Variants in TYR observed in about 807,000 individuals in gnomAD.
TYR encodes LB24-AB.
TYR carries 58 observed loss-of-function variants against 51.5 expected under a neutral mutation model. The observed-to-expected ratio is 1.13, with a 90% CI of 0.91 to 1.40. The LOEUF (loss-of-function observed/expected upper bound fraction) is 1.40, where lower values mean the gene tolerates loss of function less well. Among genes scored for constraint, TYR ranks in the 40% most tolerant of loss-of-function variants. The probability of loss-of-function intolerance (pLI) is 0.00; values close to 1 mark genes in which losing one functional copy is unlikely to be tolerated. For missense variants in TYR, 732 were observed against 647.4 expected, an observed-to-expected ratio of 1.13 and a Z score of -1.42; for synonymous variants, 263 against 235.2, an observed-to-expected ratio of 1.12 and a Z score of -1.08.
intron 2 of TYR, among the ~76,000 whole-genome samples, chr11:89,211,322 C>A (rs1943752253): frequency 6.6e-6 from 1 of 151,960 alleles, no homozygotes; most frequent in Admixed American, 6.6e-5. Context: ...CAATCCTGGT[C>A]TTTAAACTAA....
chr11:89,185,243 T>C lies in TYR; in HGVS notation c.820-5959T>C, dbSNP rs79915495. Among the ~76,000 whole-genome samples the C allele has an allele frequency of 5.9e-5, 9 of 152,246 alleles. No homozygotes were observed. The East Asian group carries it at 1.7e-3, about 29-fold the overall frequency. On this transcript the variant is annotated intron_variant, in intron 1 of 4. Transcript: ENST00000263321. Reference sequence around the variant, plus strand: ...AATCCACAGGGTAGTTGTGAGAATTTCTAATTTTAATGTATATGGAGATAT... The same window carrying C: ...AATCCACAGGGTAGTTGTGAGAATTCCTAATTTTAATGTATATGGAGATAT...
intron 3 of TYR, among the ~76,000 whole-genome samples, chr11:89,238,581 C>A (rs1944151664): frequency 1.3e-5 from 2 of 152,064 alleles, no homozygotes; most frequent in South Asian, 4.1e-4. Flanking sequence ...CATTTCATTT[C>A]TTTTTCTTAG....
intron 2 of TYR, among the ~76,000 whole-genome samples, chr11:89,202,620 A>AACACACACACACACACAC (rs1555086926): frequency 1.1e-4 from 1 of 8,780 alleles, no homozygotes; most frequent in South Asian, 0.014. Flanking sequence ...ATATTTTCAT[A>AACACACACACACACACAC]ATACACACAC....
Position 89,185,095 on chromosome 11 carries a change from G to A in TYR, c.820-6107G>A, listed in dbSNP as rs190321825. 5.3e-5 allele frequency among the ~76,000 whole-genome samples: 8 copies of A among 152,192 alleles called. No homozygotes were observed. The East Asian group carries it at 7.7e-4, about 15-fold the overall frequency. ...TTACCTTCAAATTATTATTCTATAC[G>A]TCTCGCCTACTGTTCACAAAATTAT... is the stretch of plus-strand genomic sequence containing the variant. On this transcript the variant is annotated intron_variant, in intron 1 of 4. Coordinates refer to ENST00000263321, the MANE Select transcript of TYR (RefSeq NM_000372.5).
chr11:89,227,955 A>G lies in TYR; in HGVS notation c.1169A>G (p.His390Arg). Residue 390 changes from histidine to arginine, a missense_variant, in exon 3 of 5, where the codon CAT (histidine) becomes CGT (arginine). Coordinates refer to ENST00000263321, the MANE Select transcript of TYR (RefSeq NM_000372.5). ...AACGATCCTATCTTCCTTCTTCACC[A>G]TGCATTTGTTGACAGGTTGGTTAAT... is the stretch of plus-strand genomic sequence containing the variant. ...SANDPIFLLH[H>R]AFVDSIFEQW... 6.2e-7 allele frequency: 1 copy of G among 1,613,520 alleles called. No homozygotes were observed. The highest frequency in any genetic ancestry group is 2.2e-5 in the East Asian group (1 of 44,838).
At chr11:89,235,326 A>G (rs1281742799) in intron 3 of TYR, among the ~76,000 whole-genome samples, 4 of 152,194 alleles carry the variant, frequency 2.6e-5, no homozygotes, top group Admixed American at 6.6e-5. Context: ...TTCTGACTAT[A>G]TATCAAAAGG....
chr11:89,252,095 G>C (rs777839300), intron 3 of TYR, among the ~76,000 whole-genome samples: 2 of 151,738 alleles, frequency 1.3e-5, no homozygotes, highest in Non-Finnish European at 3.0e-5. Flanking sequence ...CTATGAGTAA[G>C]GAAGATATTT....
At chr11:89,257,126 C>T (rs1341556939) in intron 3 of TYR, among the ~76,000 whole-genome samples, 1 of 151,876 alleles carries the variant, frequency 6.6e-6, no homozygotes, top group African/African-American at 2.4e-5. Context: ...GCTGTTCTAG[C>T]CTATATGTAG....
At chr11:89,258,746 T>G (rs187337753) in intron 3 of TYR, among the ~76,000 whole-genome samples, 2 of 152,080 alleles carry the variant, frequency 1.3e-5, no homozygotes, top group Admixed American at 6.6e-5. Flanking sequence ...TTTGCATAGG[T>G]TCAACAATAC....
rs1019493788 is a variant in TYR, at chr11:89,293,396, C to T, written c.1367-1747C>T. ...AACCCAGAATGGTCCTTAGGATAAA[C>T]GCAAGTTCTGATTGAGTAATGACTA... On this transcript the variant is annotated intron_variant, in intron 4 of 4. Transcript: ENST00000263321. 7.3e-5 allele frequency among the ~76,000 whole-genome samples: 11 copies of T among 151,482 alleles called. No individual in the cohort carries two copies. In the East Asian group the frequency reaches 1.6e-3, roughly 21 times the overall value.
intron 3 of TYR, among the ~76,000 whole-genome samples, chr11:89,264,017 A>G (rs1565417125): frequency 6.6e-6 from 1 of 152,046 alleles, no homozygotes; most frequent in African/African-American, 2.4e-5. Context: ...TTAATGTTGT[A>G]GTAGATTTTC....
At chr11:89,227,687 A>AT (rs1943993820) in intron 2 of TYR, 136 bp from the exon 3 acceptor site, 13 of 784,916 alleles carry the variant, frequency 1.7e-5, no homozygotes, top group Non-Finnish European at 2.6e-5. Context: ...AAGAGTCTCA[A>AT]TACGGAATGA....
chr11:89,212,492 G>A (rs1457445123), intron 2 of TYR, among the ~76,000 whole-genome samples: 1 of 152,054 alleles, frequency 6.6e-6, no homozygotes, highest in African/African-American at 2.4e-5. Context: ...ATTCACAGCC[G>A]AATTCCACCA....
chr11:89,243,163 T>A (rs752604592), intron 3 of TYR, among the ~76,000 whole-genome samples: 3 of 152,258 alleles, frequency 2.0e-5, no homozygotes, highest in Non-Finnish European at 4.4e-5. Flanking sequence ...AATACAGTGC[T>A]TTATTGGGGT....
rs962071540 is a variant in TYR, at chr11:89,191,554, G to A, written c.1036+136G>A. 14 of 814,446 alleles carry A rather than the reference G, an allele frequency of 1.7e-5. No homozygotes were observed. In the Admixed American group the frequency reaches 2.0e-4, roughly 12 times the overall value. 50.5% of individuals were successfully genotyped at this position (814,446 alleles called of 1,614,324 possible). A position where few individuals can be genotyped will look rare whatever the true frequency, so the allele number is the denominator to read the frequency against. On this transcript the variant is annotated intron_variant, in intron 2 of 4. Coordinates refer to ENST00000263321, the MANE Select transcript of TYR (RefSeq NM_000372.5). ...AATATGTGTTGTATATACTTATATCGACAATGACCCTAGCTGACACTGGTC... is the reference window on the plus strand; with the variant it reads ...AATATGTGTTGTATATACTTATATCAACAATGACCCTAGCTGACACTGGTC...
chr11:89,238,892 T>A (rs1315940731), intron 3 of TYR, among the ~76,000 whole-genome samples: 1 of 152,164 alleles, frequency 6.6e-6, no homozygotes, highest in Non-Finnish European at 1.5e-5. Context: ...ACTGTGAAAT[T>A]TGTATATTAA....
At chr11:89,179,557 A>C (rs2135243337) in intron 1 of TYR, among the ~76,000 whole-genome samples, 1 of 152,304 alleles carries the variant, frequency 6.6e-6, no homozygotes, top group Non-Finnish European at 1.5e-5. Context: ...AGCAGCAAAA[A>C]AAAAATCACA....
intron 1 of TYR, among the ~76,000 whole-genome samples, chr11:89,187,199 C>T (rs1420749238): frequency 6.6e-6 from 1 of 152,096 alleles, no homozygotes; most frequent in African/African-American, 2.4e-5. Flanking sequence ...ATTGATTTCC[C>T]TACCCCCAGC....
chr11:89,262,693 C>A (rs1231732633), intron 3 of TYR, among the ~76,000 whole-genome samples: 5 of 139,558 alleles, frequency 3.6e-5, no homozygotes, highest in Non-Finnish European at 7.8e-5. Flanking sequence ...GAAAAAATTA[C>A]AAAGGAATAC....
Sources: allele counts gnomAD v4.1 joint callset (sites outside exome capture counted in the v4.1 genomes callset), GRCh38; gene constraint gnomAD v4.1.1; transcripts MANE v1.5; gene names NCBI Gene and HGNC (gene_info 2026-07-23, HGNC 2026-07-21).